Variants in RNF43 observed in about 807,000 individuals in gnomAD.
RNF43 encodes the protein E3 ubiquitin-protein ligase RNF43.
Under a neutral mutation model 78.4 loss-of-function variants are expected in RNF43, and 37 were observed. The ratio of observed to expected loss-of-function variants is 0.47; its 90% confidence interval spans 0.36 to 0.62. The LOEUF (loss-of-function observed/expected upper bound fraction) is 0.62. RNF43 is among the 20% of genes least tolerant of loss of function. The pLI, the probability that RNF43 is intolerant of heterozygous loss-of-function variation, is 0.00. For missense variants in RNF43, 774 were observed against 1,007.9 expected, an observed-to-expected ratio of 0.77 and a Z score of 3.14; for synonymous variants, 347 against 395.0, an observed-to-expected ratio of 0.88 and a Z score of 1.44.
intron 3 of RNF43, among the ~76,000 whole-genome samples, chr17:58,369,858 A>T (rs1973041990): frequency 6.6e-6 from 1 of 152,156 alleles, no homozygotes; most frequent in Admixed American, 6.5e-5. Flanking sequence ...AAGCACATAG[A>T]AAACAGTAAC....
At chr17:58,372,219 G>A (rs903020378) in intron 2 of RNF43, among the ~76,000 whole-genome samples, 1 of 152,200 alleles carries the variant, frequency 6.6e-6, no homozygotes, top group African/African-American at 2.4e-5. Context: ...CTTTCTGAAA[G>A]CTCTTTCAGG....
chr17:58,386,408 C>G (rs1275972842), intron 2 of RNF43, among the ~76,000 whole-genome samples: 1 of 152,132 alleles, frequency 6.6e-6, no homozygotes, highest in African/African-American at 2.4e-5. Flanking sequence ...GCCTGGGCAA[C>G]AGAGAGAGAC....
rs2143475016 is a variant in RNF43 at position 58,363,620 on chromosome 17, A to T, written c.376-20T>A. On this transcript the variant is annotated intron_variant, in intron 3 of 9. Transcript: ENST00000407977. ...CCGAGCCTGCAGAGGCACACAGTAG[A>T]GGTTGGGCTGAGGTCAGGGAAGGAC... 1 of 1,603,168 alleles carries T rather than the reference A, an allele frequency of 6.2e-7. No individual in the cohort carries two copies. The highest frequency in any genetic ancestry group is 8.5e-7 in the Non-Finnish European group (1 of 1,172,916).
intron 2 of RNF43, among the ~76,000 whole-genome samples, chr17:58,395,720 G>A (rs1478024759): frequency 3.3e-5 from 5 of 152,162 alleles, no homozygotes. Context: ...GATGATGCAG[G>A]AACTGCTGCT....
At chr17:58,377,140 G>A (rs1567883633) in intron 2 of RNF43, among the ~76,000 whole-genome samples, 1 of 152,116 alleles carries the variant, frequency 6.6e-6, no homozygotes, top group Non-Finnish European at 1.5e-5. Flanking sequence ...CCTTGGGCAT[G>A]TTAATCTTTC....
chr17:58,389,266 T>C (rs1029320167), intron 2 of RNF43, among the ~76,000 whole-genome samples: 15 of 151,926 alleles, frequency 9.9e-5, no homozygotes, highest in African/African-American at 3.6e-4. Flanking sequence ...CAGATTGGAG[T>C]ACCAGGATGA....
At chr17:58,385,781 G>GTGGGTAACCTAATCTCTCTCTTCCAAC (rs1973417953) in intron 2 of RNF43, among the ~76,000 whole-genome samples, 1 of 152,174 alleles carries the variant, frequency 6.6e-6, no homozygotes, top group African/African-American at 2.4e-5. Context: ...TCTCTTCCAA[G>GTGGGTAACCTAATCTCTCTCTTCCAAC]CTGTGGGTAA....
chr17:58,357,376 C>A lies in RNF43; in HGVS notation c.2308+92G>T, dbSNP rs1972707108. 6.7e-7 allele frequency: 1 copy of A among 1,501,138 alleles called. No homozygotes were observed. The highest frequency in any genetic ancestry group is 9.3e-7 in the Non-Finnish European group (1 of 1,078,244). The allele number at this position is 1,501,138 out of a possible 1,614,324, so 93.0% of individuals were successfully genotyped here. A position where few individuals can be genotyped will look rare whatever the true frequency, so the allele number is the denominator to read the frequency against. On this transcript the variant is annotated intron_variant, in intron 9 of 9. Coordinates refer to ENST00000407977, the MANE Select transcript of RNF43 (RefSeq NM_017763.6). This position sits in a 1 kb window ranked among gnomAD's most constrained non-coding sequence, Gnocchi z 4.5. ...TCTCTGCTGTATCCTTCTCAGCTTCCATCAACCCTTTGTTGGCTGACTTCA... is the reference window on the plus strand; with the variant it reads ...TCTCTGCTGTATCCTTCTCAGCTTCAATCAACCCTTTGTTGGCTGACTTCA...
chr17:58,416,982 G>C (rs12950320), intron 1 of RNF43, 35 bp downstream of exon 1: 25,930 of 152,152 alleles, frequency 0.17, 2,667 homozygotes, highest in Non-Finnish European at 0.22. Context: ...GCAGAGGGAG[G>C]GGGGAAAAAG....
At position 58,371,011 on chromosome 17, in the gene RNF43, T is replaced by C; in HGVS notation, c.275A>G (p.Asn92Ser). 4 of 1,608,686 alleles carry C rather than the reference T, an allele frequency of 2.5e-6. No homozygotes were observed. Among genetic ancestry groups the C allele is most frequent in the Non-Finnish European group, 3.4e-6 (4 of 1,176,778 alleles). The part of the protein sequence containing the change: ...LMQSHPLYLC[N>S]ASDDDNLEPG... ...CTCCAGATTGTCGTCATCACTGGCA[T>C]TGCACAGGTACAGCGGGTGGGACTG... The change falls in exon 3 of 10, where the codon AAT becomes AGT. Residue 92 changes from asparagine to serine, a missense_variant. Transcript: ENST00000407977.
chr17:58,401,510 T>C (rs1598163132), intron 2 of RNF43, among the ~76,000 whole-genome samples: 2 of 152,202 alleles, frequency 1.3e-5, no homozygotes, highest in East Asian at 3.8e-4. Flanking sequence ...ACAGGTGGTA[T>C]GGTAGAAGTA....
rs2143415645 is a variant in RNF43, at chr17:58,358,443, C to T, written c.1333G>A (p.Gly445Arg). 6.2e-7 allele frequency: 1 copy of T among 1,613,980 alleles called. No individual in the cohort carries two copies. Among genetic ancestry groups the T allele is most frequent in the South Asian group, 1.1e-5 (1 of 91,074 alleles). The change falls in exon 9 of 10, where the codon GGA becomes AGA. Residue 445 changes from glycine (G) to arginine (R), a missense_variant. By Grantham distance (125) the Gly-to-Arg change is moderately radical. Transcript: ENST00000407977. This position sits in a 1 kb window ranked among gnomAD's most constrained non-coding sequence, Gnocchi z 6.2. ...LRRARPPDSS[G>R]SGESYCTERS... ...TCTGTGCAATAGCTTTCTCCAGATC[C>T]ACTGCTGTCAGGGGGCCTGGCCCGG...
At chr17:58,403,105 G>A (rs899310705) in intron 2 of RNF43, among the ~76,000 whole-genome samples, 21 of 152,122 alleles carry the variant, frequency 1.4e-4, no homozygotes, top group Admixed American at 1.0e-3. Context: ...TCCAGTAAGC[G>A]TGTACCTCAA....
rs2143443611 is a variant in RNF43, at chr17:58,360,731, G to C, written c.849+52C>G. On this transcript the variant is annotated intron_variant, in intron 7 of 9. Transcript: ENST00000407977. This position sits in a 1 kb window ranked among gnomAD's most constrained non-coding sequence, Gnocchi z 4.3. Reference sequence around the variant, plus strand: ...CCTAGGCCTGCCCACCCCTCCCCCAGCTTCAATCTCCCCAGTCTGGTCATG... The same window carrying C: ...CCTAGGCCTGCCCACCCCTCCCCCACCTTCAATCTCCCCAGTCTGGTCATG... 1.3e-6 allele frequency: 2 copies of C among 1,499,298 alleles called. No homozygotes were observed. Among genetic ancestry groups the C allele is most frequent in the Non-Finnish European group, 1.8e-6 (2 of 1,106,450 alleles). 92.9% of individuals were successfully genotyped at this position (1,499,298 alleles called of 1,614,324 possible).
At chr17:58,371,929 G>C (rs1211354185) in intron 2 of RNF43, among the ~76,000 whole-genome samples, 1 of 152,196 alleles carries the variant, frequency 6.6e-6, no homozygotes, top group Non-Finnish European at 1.5e-5. Flanking sequence ...ACACCCATTT[G>C]AATCTAATTT....
At chr17:58,400,154 G>A (rs1973766935) in intron 2 of RNF43, among the ~76,000 whole-genome samples, 1 of 152,090 alleles carries the variant, frequency 6.6e-6, no homozygotes, top group East Asian at 1.9e-4. Context: ...GCAGATAAGT[G>A]ATTCACCGTA....
At chr17:58,397,612 G>A (rs1256053911) in intron 2 of RNF43, among the ~76,000 whole-genome samples, 2 of 151,030 alleles carry the variant, frequency 1.3e-5, no homozygotes, top group Non-Finnish European at 2.9e-5. Flanking sequence ...ACAGTGAGCC[G>A]AGATTGCACC....
chr17:58,362,150 C>T (rs923774008), intron 6 of RNF43, among the ~76,000 whole-genome samples: 5 of 151,986 alleles, frequency 3.3e-5, no homozygotes, highest in African/African-American at 1.2e-4. Context: ...TCCCTCCCCA[C>T]TTTGCTATCA....
At chr17:58,385,254 T>C (rs942638955) in intron 2 of RNF43, among the ~76,000 whole-genome samples, 1 of 152,232 alleles carries the variant, frequency 6.6e-6, no homozygotes, top group Non-Finnish European at 1.5e-5. Context: ...GATTTCCAAA[T>C]TGGTCTCTGA....
Sources: gnomAD v4.1 joint callset for allele counts (sites outside exome capture counted in the v4.1 genomes callset) on GRCh38, gnomAD v4.1.1 for gene constraint, Gnocchi (gnomAD v3.1) non-coding constraint, MANE v1.5 for transcripts, NCBI Gene and HGNC (gene_info 2026-07-23, HGNC 2026-07-21) for gene names.